The following RPL7 variants were observed in gnomAD, a reference collection of about 807,000 sequenced individuals.
RPL7 encodes ribosomal protein L7.
For synonymous variants in RPL7, 100 were observed against 102.2 expected (o/e 0.98, Z 0.13); for missense variants, 205 against 301.9 (o/e 0.68, Z 2.38).
chr8:73,291,499 G>GT (rs1248882328), intron 5 of RPL7, 53 bp downstream of exon 5: 50 of 1,291,328 alleles, frequency 3.9e-5, no homozygotes, highest in Non-Finnish European at 5.5e-5. Flanking sequence ...CCACAAGAGG[G>GT]TAAGAAATTA....
intron 1 of RPL7, 37 bp from the exon 2 acceptor site, chr8:73,292,834 A>G: frequency 6.8e-7 from 1 of 1,475,602 alleles, no homozygotes; most frequent in Non-Finnish European, 9.4e-7. Context: ...CAATAGCTCA[A>G]AAAGCTCACA....
At chr8:73,292,849 T>C (rs1261171571) in intron 1 of RPL7, 52 bp from the exon 2 acceptor site, 2 of 1,345,954 alleles carry the variant, frequency 1.5e-6, no homozygotes, top group Admixed American at 1.9e-5. Flanking sequence ...CTCACAGCGC[T>C]GTATTACTCC....
At chr8:73,293,666 CTT>C (rs1400948059), upstream of RPL7, 9 of 1,608,774 alleles carry the variant, frequency 5.6e-6, no homozygotes, top group African/African-American at 5.3e-5. Flanking sequence ...CACTTAAAGA[CTT>C]CGCGAGAGAA....
At position 73,292,390 on chromosome 8, in the gene RPL7, T is replaced by C. The variant is rs776622814; in HGVS notation, c.139A>G (p.Arg47Gly). The C allele has an allele frequency of 1.1e-5, 17 of 1,595,872 alleles. No homozygotes were observed. The highest frequency in any genetic ancestry group is 1.4e-5 in the Non-Finnish European group (17 of 1,176,822). ...TTTGCTTTTTCATAGATAAGCTTCC[T>C]CCTTGCCTTTCGAAGCTGAAAACCA... ...FAQKMLRKAR[R>G]KLIYEKAKHY... The change falls in exon 3 of 7, where the codon AGG (arginine) becomes GGG (glycine). Residue 47 changes from arginine (R) to glycine (G), a missense_variant. By Grantham distance (125) the Arg-to-Gly change is moderately radical (BLOSUM62 -2). Transcript: ENST00000352983.
At chr8:73,293,072 TAAAA>T (rs111698211) in intron 1 of RPL7, 3 of 264,410 alleles carry the variant, frequency 1.1e-5, no homozygotes, top group Admixed American at 5.6e-5. Flanking sequence ...GACGACTAAT[TAAAA>T]AAAAAAACAA....
chr8:73,292,131 C>T, intron 3 of RPL7, 108 bp downstream of exon 3: 5 of 1,210,952 alleles, frequency 4.1e-6, no homozygotes, highest in East Asian at 2.3e-5. Flanking sequence ...TCTAGCTTCC[C>T]CTAAAATATT....
chr8:73,291,091 C>G lies in RPL7; in HGVS notation c.700G>C (p.Gly234Arg). The change falls in exon 6 of 7, where the codon GGC (glycine) becomes CGC (arginine). Residue 234 changes from glycine to arginine, a missense_variant. Gly to Arg is a moderately radical substitution (Grantham distance 125). Transcript: ENST00000352983. The part of the protein sequence containing the change: ...TTHFVEGGDA[G>R]NREDQINRLI... ...CTGTTGATCTGGTCCTCCCTGTTGC[C>G]AGCATCTCCACCTTCTACAAAATGG... 6.2e-7 allele frequency: 1 copy of G among 1,610,602 alleles called. No individual in the cohort carries two copies. The highest frequency in any genetic ancestry group is 8.5e-7 in the Non-Finnish European group (1 of 1,178,302).
At position 73,291,543 on chromosome 8, in the gene RPL7, A is replaced by G. The variant is rs757196896; in HGVS notation, c.538+9T>C. On this transcript the variant is annotated intron_variant, in intron 5 of 6. Transcript: ENST00000352983. ...TCTAATACCAAATTTTCCCCCAAAT[A>G]GAACCTACCAAGAGATCGAGCAATC... 32 of 1,585,740 alleles carry G rather than the reference A, an allele frequency of 2.0e-5. No individual in the cohort carries two copies. The highest frequency in any genetic ancestry group is 2.2e-4 in the Middle Eastern group (1 of 4,528).
chr8:73,293,297 A>G, intron 1 of RPL7: 2 of 436,816 alleles, frequency 4.6e-6, no homozygotes, highest in East Asian at 4.4e-5. Context: ...GACGAACACA[A>G]TTCAGAGGTT....
intron 3 of RPL7, 48 bp from the exon 4 acceptor site, chr8:73,291,958 T>G: frequency 1.3e-6 from 2 of 1,598,288 alleles, no homozygotes; most frequent in Non-Finnish European, 1.7e-6. Context: ...ATCGAAATTT[T>G]TATTAATACT....
rs1814076442 is a variant in RPL7 at position 73,290,683 on chromosome 8, A to T, written c.*24T>A. ...GTACTGTTTATTAACCAACCAGCTT[A>T]GAAAAATAATCATGGTAGACACCTG... On this transcript the variant is annotated 3_prime_UTR_variant, in exon 7 of 7. Coordinates refer to ENST00000352983, the MANE Select transcript of RPL7 (RefSeq NM_000971.4). The T allele has an allele frequency of 5.1e-6, 1 of 194,264 alleles. No homozygotes were observed. The highest frequency in any genetic ancestry group is 2.4e-5 in the African/African-American group (1 of 42,290). 12.0% of individuals were successfully genotyped at this position (194,264 alleles called of 1,614,324 possible).
rs550335353 is a variant in RPL7, at chr8:73,293,193, A to T, written c.15-396T>A. ...AAAAATTAAAAAATAAAAATAAAAA[A>T]AAAACAAGCCACCACCACTCTGGTT... is the stretch of plus-strand genomic sequence containing the variant. On this transcript the variant is annotated intron_variant, in intron 1 of 6. Transcript: ENST00000352983. The T allele has an allele frequency of 3.1e-5, 7 of 225,248 alleles. No homozygotes were observed. The East Asian group carries it at 3.9e-4, about 12-fold the overall frequency. The allele number at this position is 225,248 out of a possible 1,614,324, so 14.0% of individuals were successfully genotyped here.
intron 5 of RPL7, 104 bp from the exon 6 acceptor site, chr8:73,291,356 A>C: frequency 1.0e-6 from 1 of 964,182 alleles, no homozygotes; most frequent in Non-Finnish European, 1.6e-6. Flanking sequence ...CATAACCAGG[A>C]ATAAACAAGG....
rs765118819 is a variant in RPL7, at chr8:73,293,582, G to A, written c.14+17C>T. 42 of 1,613,682 alleles carry A rather than the reference G, an allele frequency of 2.6e-5. No homozygotes were observed. In the East Asian group the frequency reaches 4.2e-4, roughly 16 times the overall value. On this transcript the variant is annotated intron_variant, in intron 1 of 6. Transcript: ENST00000352983. ...GGAGATGGAGAAGGATTCTCAAGAG[G>A]ACCAGAAGCAACTCACTCTACACCC... is the stretch of plus-strand genomic sequence containing the variant.
Position 73,291,533 on chromosome 8 carries a change from TC to T in RPL7, c.538+18del. On this transcript the variant is annotated intron_variant, in intron 5 of 6. Transcript: ENST00000352983. Reference sequence around the variant, plus strand: ...TATCGCATGGTCTAATACCAAATTTTCCCCCAAATAGAACCTACCAAGAGAT... The same window carrying T: ...TATCGCATGGTCTAATACCAAATTTTCCCCAAATAGAACCTACCAAGAGAT... 1.9e-6 allele frequency: 3 copies of T among 1,563,086 alleles called. No homozygotes were observed. Among genetic ancestry groups the T allele is most frequent in the Non-Finnish European group, 2.6e-6 (3 of 1,141,546 alleles).
intron 6 of RPL7, 124 bp downstream of exon 6, chr8:73,290,919 A>ACT: frequency 1.4e-6 from 1 of 725,800 alleles, no homozygotes; most frequent in Non-Finnish European, 2.3e-6. Flanking sequence ...GTTGACCCCC[A>ACT]CTCCCCACAA....
rs1554579404 is a variant in RPL7, at chr8:73,292,202, T to TTC, written c.290+36_290+37insGA. The stretch of plus-strand genomic sequence containing the variant: ...GTAATGTGAAGGTTTTTTTTTTTTT[T>TTC]CCCATTCAAACCCGAATGCAGTAAA... On this transcript the variant is annotated intron_variant, in intron 3 of 6. Transcript: ENST00000352983. The TTC allele has an allele frequency of 1.4e-4, 221 of 1,546,466 alleles. No individual in the cohort carries two copies. In the African/African-American group the frequency reaches 1.5e-3, roughly 10 times the overall value.
intron 1 of RPL7, chr8:73,293,309 T>C (rs1337486702): frequency 1.1e-5 from 5 of 455,942 alleles, no homozygotes; most frequent in Non-Finnish European, 1.6e-5. Flanking sequence ...TCAGAGGTTC[T>C]GCGCCTCCCC....
At chr8:73,292,438 T>A in intron 2 of RPL7, 33 bp from the exon 3 acceptor site, 1 of 1,567,432 alleles carries the variant, frequency 6.4e-7, no homozygotes, top group Non-Finnish European at 8.6e-7. Context: ...TCATAATTTT[T>A]AGCTCAATCA....
Sources: allele counts gnomAD v4.1 joint callset, GRCh38; gene constraint gnomAD v4.1.1; transcripts MANE v1.5; gene names NCBI Gene and HGNC (gene_info 2026-07-23, HGNC 2026-07-21).